The following BASP1 variants were observed in gnomAD, a reference collection of about 807,000 sequenced individuals.
BASP1 encodes the protein brain acid soluble protein 1.
Under a neutral mutation model 2.2 loss-of-function variants are expected in BASP1, and 1 was observed. That is an observed-to-expected ratio of 0.46 (90% CI 0.16 to 2.17). BASP1 has a LOEUF of 2.17. Among genes scored for constraint, BASP1 ranks in the 30% most tolerant of loss-of-function variants. BASP1 has a pLI of 0.27. For missense variants in BASP1, 352 were observed against 327.2 expected, an observed-to-expected ratio of 1.08 and a Z score of -0.58; for synonymous variants, 187 against 154.2, an observed-to-expected ratio of 1.21 and a Z score of -1.58.
chr5:17,242,458 C>T (rs573156902), intron 1 of BASP1, among the ~76,000 whole-genome samples: 6 of 152,018 alleles, frequency 3.9e-5, no homozygotes, highest in East Asian at 1.9e-4. Flanking sequence ...CAGCAGAATA[C>T]GTCTGTCACA....
At position 17,275,653 on chromosome 5, in the gene BASP1, G is replaced by C; in HGVS notation, c.437G>C (p.Gly146Ala). 1.3e-6 allele frequency: 2 copies of C among 1,539,470 alleles called. No homozygotes were observed. Among genetic ancestry groups the C allele is most frequent in the South Asian group, 1.2e-5 (1 of 83,574 alleles). The change falls in exon 2 of 2, where the codon GGG becomes GCG. Residue 146 changes from glycine (G) to alanine (A), a missense_variant. Transcript: ENST00000322611. This position sits in a 1 kb window ranked among gnomAD's most constrained non-coding sequence, Gnocchi z 5.3. ...AAGEEPSKEE[G>A]EPKKTEAPAA... Reference sequence around the variant, plus strand: ...GGGGAGGAGCCCAGCAAGGAGGAAGGGGAACCCAAAAAGACTGAGGCGCCC... The same window carrying C: ...GGGGAGGAGCCCAGCAAGGAGGAAGCGGAACCCAAAAAGACTGAGGCGCCC...
chr5:17,225,366 G>C (rs1398989631), intron 1 of BASP1, among the ~76,000 whole-genome samples: 1 of 151,892 alleles, frequency 6.6e-6, no homozygotes, highest in East Asian at 1.9e-4. Flanking sequence ...GCCCCAGGGG[G>C]ACGGTGCAGT....
At chr5:17,266,812 CTCAAAAAAA>C (rs1431256479) in intron 1 of BASP1, among the ~76,000 whole-genome samples, 1 of 61,632 alleles carries the variant, frequency 1.6e-5, no homozygotes, top group African/African-American at 8.9e-5. Flanking sequence ...AAGATCCTGT[CTCAAAAAAA>C]AAAAAAAAAA....
At chr5:17,233,547 T>G (rs1739677672) in intron 1 of BASP1, among the ~76,000 whole-genome samples, 1 of 152,184 alleles carries the variant, frequency 6.6e-6, no homozygotes, top group African/African-American at 2.4e-5. Context: ...ATTTTTTATC[T>G]TAATGTTTCG....
chr5:17,227,575 G>A (rs1739538919), intron 1 of BASP1, among the ~76,000 whole-genome samples: 1 of 151,792 alleles, frequency 6.6e-6, no homozygotes, highest in East Asian at 1.9e-4. Context: ...TAATTTTTTT[G>A]TATTTTTTAG....
chr5:17,240,372 T>C (rs1739838496), intron 1 of BASP1, among the ~76,000 whole-genome samples: 1 of 151,854 alleles, frequency 6.6e-6, no homozygotes, highest in Non-Finnish European at 1.5e-5. Context: ...CTGTCTCTAC[T>C]GAAAAATACA....
At chr5:17,240,410 C>T (rs1207987612) in intron 1 of BASP1, among the ~76,000 whole-genome samples, 2 of 152,140 alleles carry the variant, frequency 1.3e-5, no homozygotes, top group South Asian at 2.1e-4. Context: ...GTGGCGGGCA[C>T]CTGTGATTGC....
Position 17,273,633 on chromosome 5 carries a change from T to A in BASP1, c.-9-1575T>A, listed in dbSNP as rs139051633. Among the ~76,000 whole-genome samples the A allele has an allele frequency of 1.9e-3, 291 of 152,328 alleles. 2 individuals are homozygous for A. Among genetic ancestry groups the A allele is most frequent in the African/African-American group, 6.9e-3 (287 of 41,568 alleles). Reference sequence around the variant, plus strand: ...AAGATAAATATAGGTTATTTCACTGTCATGAATCTTGATTCCAAGGAAGTA... The same window carrying A: ...AAGATAAATATAGGTTATTTCACTGACATGAATCTTGATTCCAAGGAAGTA... On this transcript the variant is annotated intron_variant, in intron 1 of 1. Transcript: ENST00000322611.
At chr5:17,248,961 A>T (rs1740046902) in intron 1 of BASP1, among the ~76,000 whole-genome samples, 1 of 151,610 alleles carries the variant, frequency 6.6e-6, no homozygotes, top group Non-Finnish European at 1.5e-5. Context: ...ATCAACACAC[A>T]CTCCCATCCC....
chr5:17,243,614 ATC>A (rs1739916315), intron 1 of BASP1, among the ~76,000 whole-genome samples: 1 of 152,072 alleles, frequency 6.6e-6, no homozygotes, highest in East Asian at 1.9e-4. Flanking sequence ...TCTAATCTAG[ATC>A]TCTGTTTCCT....
intron 1 of BASP1, among the ~76,000 whole-genome samples, chr5:17,269,715 T>C (rs573110825): frequency 6.6e-6 from 1 of 152,324 alleles, no homozygotes; most frequent in South Asian, 2.1e-4. Flanking sequence ...TTAAGCTATT[T>C]GACATATGAT....
intron 1 of BASP1, among the ~76,000 whole-genome samples, chr5:17,268,857 G>A (rs896920588): frequency 6.6e-6 from 1 of 152,030 alleles, no homozygotes; most frequent in African/African-American, 2.4e-5. Flanking sequence ...TTTTCTTTTT[G>A]GGGGGTTTGC....
In BASP1 at chr5:17,237,967, T is replaced by C. The variant is rs572760313; in HGVS notation, c.-10+20157T>C. Among the ~76,000 whole-genome samples, 41 of 152,306 alleles carry C rather than the reference T, an allele frequency of 2.7e-4. No individual in the cohort carries two copies. In the South Asian group the frequency reaches 8.3e-3, roughly 31 times the overall value. On this transcript the variant is annotated intron_variant, in intron 1 of 1. Coordinates refer to ENST00000322611, the MANE Select transcript of BASP1 (RefSeq NM_006317.5). ...TGTAGTTCTCAGTGTTCGCCAAGCA[T>C]GTATGAAACACAACGTATGTTAAGA... is the stretch of plus-strand genomic sequence containing the variant.
chr5:17,240,343 T>C (rs1263153488), intron 1 of BASP1, among the ~76,000 whole-genome samples: 1 of 152,006 alleles, frequency 6.6e-6, no homozygotes, highest in East Asian at 1.9e-4. Context: ...GAAACCAGCC[T>C]GGCCAACATG....
At chr5:17,226,702 G>A (rs1298616825) in intron 1 of BASP1, among the ~76,000 whole-genome samples, 2 of 152,192 alleles carry the variant, frequency 1.3e-5, no homozygotes, top group Admixed American at 6.5e-5. Context: ...GGATCACAGT[G>A]TCTGTATTTG....
intron 1 of BASP1, among the ~76,000 whole-genome samples, chr5:17,242,852 A>T (rs530436757): frequency 6.6e-6 from 1 of 152,128 alleles, no homozygotes; most frequent in African/African-American, 2.4e-5. Context: ...TCAGTTTAAA[A>T]AAAAAAAAAG....
chr5:17,220,376 A>G (rs533912529), intron 1 of BASP1, among the ~76,000 whole-genome samples: 10 of 152,090 alleles, frequency 6.6e-5, no homozygotes, highest in Non-Finnish European at 1.5e-4. Flanking sequence ...GGCGAGGGGT[A>G]TGTTGGAATA....
intron 1 of BASP1, among the ~76,000 whole-genome samples, chr5:17,229,093 T>C (rs1023862223): frequency 1.3e-5 from 2 of 152,136 alleles, no homozygotes; most frequent in African/African-American, 4.8e-5. Context: ...GTTGTTTGCA[T>C]AGTTTACCAG....
chr5:17,250,643 C>T (rs551994536), intron 1 of BASP1, among the ~76,000 whole-genome samples: 4 of 152,222 alleles, frequency 2.6e-5, no homozygotes, highest in African/African-American at 4.8e-5. Flanking sequence ...CTCGCTTTGT[C>T]GCCCAGGCTG....
Sources: gnomAD v4.1 joint callset for allele counts (sites outside exome capture counted in the v4.1 genomes callset) on GRCh38, gnomAD v4.1.1 for gene constraint, Gnocchi (gnomAD v3.1) non-coding constraint, MANE v1.5 for transcripts, NCBI Gene and HGNC (gene_info 2026-07-23, HGNC 2026-07-21) for gene names.